Variants in KHDRBS2 observed in about 807,000 individuals in gnomAD.
KHDRBS2 encodes the protein KH RNA binding domain containing, signal transduction associated 2, also known as KH domain-containing, RNA-binding, signal transduction-associated protein 2.
In KHDRBS2, 26 loss-of-function variants were observed where a neutral mutation model predicts 44.3. That is an observed-to-expected ratio of 0.59 (90% CI 0.43 to 0.81). The LOEUF (loss-of-function observed/expected upper bound fraction) is 0.81, where lower values mean the gene tolerates loss of function less well. Among genes scored for constraint, KHDRBS2 ranks in the 40% least tolerant of loss-of-function variants. The probability of loss-of-function intolerance (pLI) is 0.00; values close to 1 mark genes in which losing one functional copy is unlikely to be tolerated. For missense variants in KHDRBS2, 476 were observed against 433.1 expected (o/e 1.10, Z -0.88); for synonymous variants, 194 against 151.1 (o/e 1.28, Z -2.08).
chr6:62,060,291 G>A (rs1384587901), intron 2 of KHDRBS2, among the ~76,000 whole-genome samples: 1 of 151,778 alleles, frequency 6.6e-6, no homozygotes, highest in Non-Finnish European at 1.5e-5. Flanking sequence ...GGGATGGGCT[G>A]GGGGTGAGTG....
At position 61,680,505 on chromosome 6, in the gene KHDRBS2, A is replaced by G. The variant is rs1766186288; in HGVS notation, c.*458T>C. Reference sequence around the variant, plus strand: ...GTCTAACTAACAGATATTAAAAGACAGGTTAAAACATCTTATCTACAACTT... The same window carrying G: ...GTCTAACTAACAGATATTAAAAGACGGGTTAAAACATCTTATCTACAACTT... On this transcript the variant is annotated 3_prime_UTR_variant, in exon 9 of 9. Coordinates refer to ENST00000281156, the MANE Select transcript of KHDRBS2 (RefSeq NM_152688.4). The G allele has an allele frequency of 6.6e-6, 1 of 152,476 alleles. No homozygotes were observed. The highest frequency in any genetic ancestry group is 2.4e-5 in the African/African-American group (1 of 41,422). The allele number at this position is 152,476 out of a possible 1,614,324, so 9.4% of individuals were successfully genotyped here.
intron 7 of KHDRBS2, among the ~76,000 whole-genome samples, chr6:61,726,070 T>C (rs1394100702): frequency 6.6e-6 from 1 of 152,026 alleles, no homozygotes; most frequent in African/African-American, 2.4e-5. Flanking sequence ...GAAAACTGAA[T>C]CCAGCAGCAC....
the KHDRBS2 span, among the ~76,000 whole-genome samples, chr6:61,581,189 GTGCCATGCAAAAGTGCAT>G: frequency 2.8e-3 from 421 of 152,192 alleles, 3 homozygotes; most frequent in African/African-American, 9.6e-3. Flanking sequence ...CCATGCAAAT[GTGCCATGCAAAAGTGCAT>G]TGCCATGCAA....
At chr6:61,842,751 C>T (rs1230171523) in intron 6 of KHDRBS2, among the ~76,000 whole-genome samples, 2 of 152,142 alleles carry the variant, frequency 1.3e-5, no homozygotes, top group Non-Finnish European at 2.9e-5. Context: ...CACATGTCCA[C>T]ACAAAATCTT....
At chr6:61,809,171 T>C (rs1277739495) in intron 6 of KHDRBS2, among the ~76,000 whole-genome samples, 3 of 152,110 alleles carry the variant, frequency 2.0e-5, no homozygotes, top group Non-Finnish European at 2.9e-5. Context: ...TCAAATTTAC[T>C]AATACCAGTC....
intron 2 of KHDRBS2, among the ~76,000 whole-genome samples, chr6:62,090,688 C>T (rs1258221821): frequency 4.0e-5 from 6 of 151,620 alleles, no homozygotes; most frequent in Admixed American, 3.9e-4. Context: ...TTTTATTATC[C>T]AAGAGTCTGA....
Position 61,894,973 on chromosome 6 carries a change from G to A in KHDRBS2, c.612-140C>T, listed in dbSNP as rs138496571. 1,549 of 595,234 alleles carry A rather than the reference G, an allele frequency of 2.6e-3. 4 individuals carry two copies. Among genetic ancestry groups the A allele is most frequent in the Admixed American group, 5.4e-3 (169 of 31,256 alleles). The allele number at this position is 595,234 out of a possible 1,614,324, so 36.9% of individuals were successfully genotyped here. A position where few individuals can be genotyped will look rare whatever the true frequency, so the allele number is the denominator to read the frequency against. On this transcript the variant is annotated intron_variant, in intron 5 of 8. Transcript: ENST00000281156. Reference sequence around the variant, plus strand: ...TCTCTCTCTCTGTGTGTGTGTGTGTGTATGCATTTAATAGAAATTATATAA... The same window carrying A: ...TCTCTCTCTCTGTGTGTGTGTGTGTATATGCATTTAATAGAAATTATATAA...
chr6:62,177,398 T>C (rs1330053255), intron 1 of KHDRBS2, 86 bp from the exon 2 acceptor site: 1 of 994,688 alleles, frequency 1.0e-6, no homozygotes, highest in Non-Finnish European at 1.5e-6. Context: ...ATAAATAATA[T>C]TCATATTACT....
chr6:61,802,239 A>G (rs1365186954), intron 6 of KHDRBS2, among the ~76,000 whole-genome samples: 5 of 152,250 alleles, frequency 3.3e-5, no homozygotes, highest in Middle Eastern at 6.8e-3. Context: ...GTGAAACCCT[A>G]ACAGAAAAAT....
chr6:61,952,065 T>C (rs572102308), intron 4 of KHDRBS2, among the ~76,000 whole-genome samples: 72 of 152,234 alleles, frequency 4.7e-4, no homozygotes, highest in Non-Finnish European at 8.5e-4. Flanking sequence ...ATTTATTTGA[T>C]GATAATGACT....
chr6:61,797,230 G>A (rs1785494021), intron 6 of KHDRBS2, among the ~76,000 whole-genome samples: 1 of 152,030 alleles, frequency 6.6e-6, no homozygotes, highest in African/African-American at 2.4e-5. Flanking sequence ...GAGTGAAGGG[G>A]AAATGCTTGT....
chr6:62,011,040 A>T (rs1780198976), intron 3 of KHDRBS2, among the ~76,000 whole-genome samples: 3 of 152,126 alleles, frequency 2.0e-5, no homozygotes, highest in Admixed American at 2.0e-4. Flanking sequence ...TGTGGTTTCT[A>T]ATGAAGAGGT....
At chr6:61,659,730 A>G in the KHDRBS2 span, among the ~76,000 whole-genome samples, 1 of 151,734 alleles carries the variant, frequency 6.6e-6, no homozygotes, top group Non-Finnish European at 1.5e-5. Context: ...CTTTGAGTGT[A>G]TTAAAAAAAA....
chr6:62,257,197 T>C (rs1381750869), intron 1 of KHDRBS2, among the ~76,000 whole-genome samples: 1 of 152,066 alleles, frequency 6.6e-6, no homozygotes, highest in Non-Finnish European at 1.5e-5. Context: ...ATCACTGAAG[T>C]GCAGCATTCT....
chr6:61,914,404 CA>C (rs1197450504), intron 4 of KHDRBS2, among the ~76,000 whole-genome samples: 1 of 149,808 alleles, frequency 6.7e-6, no homozygotes, highest in Non-Finnish European at 1.5e-5. Flanking sequence ...CAAACTATCG[CA>C]AGGACAAAAA....
At chr6:61,813,364 A>G (rs1004891578) in intron 6 of KHDRBS2, among the ~76,000 whole-genome samples, 1 of 152,158 alleles carries the variant, frequency 6.6e-6, no homozygotes, top group Non-Finnish European at 1.5e-5. Context: ...ACCCAACTAT[A>G]TAGTTTGTTA....
At chr6:61,940,654 C>G (rs1217072405) in intron 4 of KHDRBS2, among the ~76,000 whole-genome samples, 1 of 152,080 alleles carries the variant, frequency 6.6e-6, no homozygotes, top group African/African-American at 2.4e-5. Flanking sequence ...ATTTTAGAGC[C>G]CTGCACCCAA....
chr6:61,725,568 G>T (rs1773412156), intron 7 of KHDRBS2, among the ~76,000 whole-genome samples: 1 of 151,744 alleles, frequency 6.6e-6, no homozygotes, highest in Admixed American at 6.6e-5. Flanking sequence ...AAGAAGAAAA[G>T]AGAAAAGAAT....
At chr6:61,578,762 C>A in the KHDRBS2 span, among the ~76,000 whole-genome samples, 1 of 151,984 alleles carries the variant, frequency 6.6e-6, no homozygotes, top group African/African-American at 2.4e-5. Context: ...CTATCTTCAC[C>A]AATTAAATAA....
Sources: gnomAD v4.1 joint callset for allele counts (sites outside exome capture counted in the v4.1 genomes callset) on GRCh38, gnomAD v4.1.1 for gene constraint, MANE v1.5 for transcripts, NCBI Gene and HGNC (gene_info 2026-07-23, HGNC 2026-07-21) for gene names.